Variants in ESR2 observed in about 807,000 individuals in gnomAD.
ESR2 encodes the protein estrogen receptor beta.
ESR2 carries 36 observed loss-of-function variants against 49.6 expected under a neutral mutation model. The ratio of observed to expected loss-of-function variants is 0.73; its 90% CI spans 0.56 to 0.96. ESR2 has a LOEUF of 0.96. ESR2 is among the 40% of genes least tolerant of loss of function. The pLI is 0.00. For missense variants in ESR2, 714 were observed against 693.0 expected (o/e 1.03, Z -0.34); for synonymous variants, 320 against 266.1 (o/e 1.20, Z -1.97).
rs143420754 is a variant in ESR2 at position 64,273,212 on chromosome 14, T to C, written c.536-4301A>G. On this transcript the variant is annotated intron_variant, in intron 3 of 8. Coordinates refer to ENST00000341099, the MANE Select transcript of ESR2 (RefSeq NM_001437.3). Reference sequence around the variant, plus strand: ...TTACTGAATTTATTAGATCTAATAGTTTTTTGGTGGAATTTTTCAATTTTT... The same window carrying C: ...TTACTGAATTTATTAGATCTAATAGCTTTTTGGTGGAATTTTTCAATTTTT... Among the ~76,000 whole-genome samples the C allele has an allele frequency of 5.7e-3, 867 of 152,256 alleles. 9 individuals are homozygous for C. The highest frequency in any genetic ancestry group is 0.02 in the African/African-American group (829 of 41,544).
intron 1 of ESR2, among the ~76,000 whole-genome samples, chr14:64,324,216 G>A (rs940507173): frequency 7.9e-5 from 12 of 152,106 alleles, no homozygotes; most frequent in Non-Finnish European, 4.4e-5. Context: ...GTGATGTTAT[G>A]TAACTTACAA....
rs1285245006 is a variant in ESR2, at chr14:64,232,679, G to A, written c.*458C>T. On this transcript the variant is annotated 3_prime_UTR_variant, in exon 9 of 9. Coordinates refer to ENST00000341099, the MANE Select transcript of ESR2 (RefSeq NM_001437.3). ...GGGTTTTCAATCTTACAATGGAGTG[G>A]TCCGGAAAACAGCAAAGGTCAACTC... The A allele has an allele frequency of 1.3e-5, 2 of 158,134 alleles. No individual in the cohort carries two copies. Among genetic ancestry groups the A allele is most frequent in the Non-Finnish European group, 2.8e-5 (2 of 71,420 alleles). 9.8% of individuals were successfully genotyped at this position (158,134 alleles called of 1,614,324 possible).
intron 4 of ESR2, among the ~76,000 whole-genome samples, chr14:64,268,277 G>T (rs1045550790): frequency 6.6e-6 from 1 of 152,174 alleles, no homozygotes; most frequent in Non-Finnish European, 1.5e-5. Flanking sequence ...ACTTTTCATA[G>T]TTCCATTATG....
Position 64,259,995 on chromosome 14 carries a change from A to C in ESR2, c.952+454T>G, listed in dbSNP as rs1218257589. Among the ~76,000 whole-genome samples, 5 of 152,076 alleles carry C rather than the reference A, an allele frequency of 3.3e-5. No homozygotes were observed. In the East Asian group the frequency reaches 9.6e-4, roughly 29 times the overall value. On this transcript the variant is annotated intron_variant, in intron 5 of 8. Transcript: ENST00000341099. Reference sequence around the variant, plus strand: ...CTAGGATTCTTGCCCAAATGACCCCAAGCCCAATTCCAGAGCCTAGGTAGG... The same window carrying C: ...CTAGGATTCTTGCCCAAATGACCCCCAGCCCAATTCCAGAGCCTAGGTAGG...
At chr14:64,309,041 A>T (rs2077150710) in intron 1 of ESR2, among the ~76,000 whole-genome samples, 1 of 152,192 alleles carries the variant, frequency 6.6e-6, no homozygotes, top group Admixed American at 6.6e-5. Context: ...AATAATACCT[A>T]GGCATTTGGT....
At chr14:64,242,076 G>A (rs577407936) in intron 7 of ESR2, among the ~76,000 whole-genome samples, 1 of 152,296 alleles carries the variant, frequency 6.6e-6, no homozygotes, top group South Asian at 2.1e-4. Flanking sequence ...TTTTTAGCAG[G>A]AGTGGATGTT....
chr14:64,316,085 T>C (rs1215828425), intron 1 of ESR2, among the ~76,000 whole-genome samples: 4 of 152,128 alleles, frequency 2.6e-5, no homozygotes, highest in African/African-American at 7.2e-5. Flanking sequence ...TCATAGCTCA[T>C]TGTAGCTTTG....
At chr14:64,234,135 G>A (rs867442) in intron 8 of ESR2, 1 of 152,168 alleles carries the variant, frequency 6.6e-6, no homozygotes, top group Non-Finnish European at 1.5e-5. Flanking sequence ...CACAATGAAG[G>A]AATCTACAAA....
upstream of ESR2, among the ~76,000 whole-genome samples, chr14:64,294,735 T>C (rs2076931235): frequency 6.6e-6 from 1 of 152,180 alleles, no homozygotes; most frequent in Non-Finnish European, 1.5e-5. Flanking sequence ...AGAACAGATG[T>C]CTGATTCTAA....
rs184146746 is a variant in ESR2 at position 64,304,008 on chromosome 14, T to C, written c.-90-20933A>G. On this transcript the variant is annotated intron_variant, in intron 1 of 8. Transcript: ENST00000358599. ...GATATATTTAGAGAGACACACAAAATACTGTTAATATTAGTTGGTTTTGGC... is the reference window on the plus strand; with the variant it reads ...GATATATTTAGAGAGACACACAAAACACTGTTAATATTAGTTGGTTTTGGC... Among the ~76,000 whole-genome samples, 41 of 152,320 alleles carry C rather than the reference T, an allele frequency of 2.7e-4. 1 individual carries two copies. In the East Asian group the frequency reaches 5.6e-3, roughly 21 times the overall value.
At chr14:64,227,973 A>G (rs764986078), downstream of ESR2, 1 of 1,579,124 alleles carries the variant, frequency 6.3e-7, no homozygotes, top group African/African-American at 1.3e-5. Context: ...TGATTACAGA[A>G]AATCTATCCA....
At chr14:64,235,239 T>G in intron 7 of ESR2, 89 bp from the exon 8 acceptor site, 1 of 1,398,866 alleles carries the variant, frequency 7.1e-7, no homozygotes, top group South Asian at 1.3e-5. Flanking sequence ...TGCTCCGAGG[T>G]GATCTGGGTT....
chr14:64,238,192 C>T (rs893221665), intron 7 of ESR2, among the ~76,000 whole-genome samples: 5 of 152,168 alleles, frequency 3.3e-5, no homozygotes, highest in African/African-American at 9.7e-5. Context: ...ACCCACTTCA[C>T]GAACCACAGT....
intron 3 of ESR2, among the ~76,000 whole-genome samples, chr14:64,276,511 A>G (rs2076561146): frequency 6.6e-6 from 1 of 152,212 alleles, no homozygotes; most frequent in Non-Finnish European, 1.5e-5. Flanking sequence ...CTGCTGGTAA[A>G]AGAGCAAGTC....
rs1370685805 is a variant in ESR2, at chr14:64,291,619, G to A, written c.-91+2414C>T. Among the ~76,000 whole-genome samples, 3 of 152,132 alleles carry A rather than the reference G, an allele frequency of 2.0e-5. No homozygotes were observed. The East Asian group carries it at 5.8e-4, about 29-fold the overall frequency. On this transcript the variant is annotated intron_variant, in intron 1 of 8. Coordinates refer to ENST00000341099, the MANE Select transcript of ESR2 (RefSeq NM_001437.3). The stretch of plus-strand genomic sequence containing the variant: ...TGAATTGAATACTGTGTTAAACAGT[G>A]AAAAATATTAGTTTACAAAAGGTTA...
chr14:64,228,228 C>CT (rs1202685339), downstream of ESR2, among the ~76,000 whole-genome samples: 1 of 152,232 alleles, frequency 6.6e-6, no homozygotes, highest in African/African-American at 2.4e-5. Flanking sequence ...AAAGGACTCT[C>CT]TAACCCCACA....
At chr14:64,310,290 AATAAT>A (rs1567795723) in intron 1 of ESR2, among the ~76,000 whole-genome samples, 26 of 126,348 alleles carry the variant, frequency 2.1e-4, no homozygotes, top group Admixed American at 2.0e-3. Context: ...CTCAAAAAAT[AATAAT>A]AATAATAATA....
intron 7 of ESR2, among the ~76,000 whole-genome samples, chr14:64,236,064 T>G (rs1001672408): frequency 1.6e-4 from 25 of 152,226 alleles, no homozygotes; most frequent in Non-Finnish European, 2.9e-4. Context: ...ATGAGACTGA[T>G]GATGGCTGGT....
chr14:64,235,234 C>T (rs926559643), intron 7 of ESR2, 84 bp from the exon 8 acceptor site: 81 of 1,449,882 alleles, frequency 5.6e-5, no homozygotes, highest in African/African-American at 6.9e-5. Context: ...GCGCCTGCTC[C>T]GAGGTGATCT....
Sources: allele counts gnomAD v4.1 joint callset (sites outside exome capture counted in the v4.1 genomes callset), GRCh38; gene constraint gnomAD v4.1.1; transcripts MANE v1.5; gene names NCBI Gene and HGNC (gene_info 2026-07-23, HGNC 2026-07-21).